The following GPC6 variants were observed in gnomAD, a reference collection of about 807,000 sequenced individuals.
GPC6 encodes the protein glypican-6.
A neutral mutation model predicts 55.2 loss-of-function variants in GPC6; 14 were observed. That is an observed-to-expected ratio of 0.25 (90% CI 0.17 to 0.40). GPC6 has a LOEUF of 0.40. Ranked by LOEUF, GPC6 falls within the 10% of genes least tolerant of loss-of-function variation. The probability of loss-of-function intolerance (pLI) is 1.00; values close to 1 mark genes in which losing one functional copy is unlikely to be tolerated. For synonymous variants in GPC6, 278 were observed against 259.6 expected (o/e 1.07, Z -0.68); for missense variants, 641 against 708.5 (o/e 0.90, Z 1.08).
chr13:93,696,396 A>G (rs1423862257), intron 2 of GPC6, among the ~76,000 whole-genome samples: 1 of 152,158 alleles, frequency 6.6e-6, no homozygotes, highest in African/African-American at 2.4e-5. Flanking sequence ...ATAAGCAATG[A>G]AATTTAGCAA....
At chr13:94,074,243 T>TA (rs1011054168) in intron 4 of GPC6, among the ~76,000 whole-genome samples, 27 of 151,252 alleles carry the variant, frequency 1.8e-4, no homozygotes, top group Admixed American at 1.3e-3. Flanking sequence ...AATAGCTCAG[T>TA]AAAAAAAAAT....
At chr13:93,931,010 G>C (rs1180254765) in intron 3 of GPC6, among the ~76,000 whole-genome samples, 1 of 152,020 alleles carries the variant, frequency 6.6e-6, no homozygotes. Context: ...TAAACAACCA[G>C]ATCTCGCAAG....
chr13:94,179,663 T>C (rs1888914250), intron 4 of GPC6, among the ~76,000 whole-genome samples: 1 of 152,208 alleles, frequency 6.6e-6, no homozygotes, highest in African/African-American at 2.4e-5. Context: ...GTTCACAAGC[T>C]TTTTGACAGG....
At chr13:94,033,762 C>A (rs973195424) in intron 4 of GPC6, among the ~76,000 whole-genome samples, 1 of 152,062 alleles carries the variant, frequency 6.6e-6, no homozygotes, top group Non-Finnish European at 1.5e-5. Context: ...CCTCTAGAAT[C>A]TAAACATAGA....
At chr13:93,979,044 AC>A (rs1183438971) in intron 3 of GPC6, among the ~76,000 whole-genome samples, 4 of 152,150 alleles carry the variant, frequency 2.6e-5, no homozygotes, top group Admixed American at 1.3e-4. Context: ...AGTGCCCAAA[AC>A]ATACTAGCAT....
rs139796399 is a variant in GPC6 at position 93,591,232 on chromosome 13, G to A, written c.319+45811G>A. Reference sequence around the variant, plus strand: ...TAATCCCAGCACTTCGGGAGGCCGAGGTGGGCGGATCATGAGGTCAGGATA... The same window carrying A: ...TAATCCCAGCACTTCGGGAGGCCGAAGTGGGCGGATCATGAGGTCAGGATA... On this transcript the variant is annotated intron_variant, in intron 2 of 8. Coordinates refer to ENST00000377047, the MANE Select transcript of GPC6 (RefSeq NM_005708.5). 2.8e-3 allele frequency among the ~76,000 whole-genome samples: 425 copies of A among 151,770 alleles called. 8 individuals are homozygous for A. The East Asian group carries it at 0.052, about 19-fold the overall frequency.
chr13:93,569,388 T>C (rs570346843), intron 2 of GPC6, among the ~76,000 whole-genome samples: 1 of 152,310 alleles, frequency 6.6e-6, no homozygotes. Context: ...CACTTGGGGA[T>C]AATGTTAATA....
intron 4 of GPC6, among the ~76,000 whole-genome samples, chr13:94,060,807 T>A (rs1344948718): frequency 6.6e-6 from 1 of 152,186 alleles, no homozygotes; most frequent in Non-Finnish European, 1.5e-5. Flanking sequence ...TGGGAGTGCA[T>A]TAATACCATA....
At chr13:93,465,947 A>G (rs1179853031) in intron 1 of GPC6, among the ~76,000 whole-genome samples, 1 of 152,220 alleles carries the variant, frequency 6.6e-6, no homozygotes, top group Non-Finnish European at 1.5e-5. Flanking sequence ...TTCAGGAAAC[A>G]GGAAGGTCTA....
intron 3 of GPC6, among the ~76,000 whole-genome samples, chr13:93,897,666 C>T (rs2140323938): frequency 6.6e-6 from 1 of 152,176 alleles, no homozygotes; most frequent in South Asian, 2.1e-4. Flanking sequence ...TAAATGGTGG[C>T]ACATTCAGCA....
At chr13:93,991,941 C>T (rs1594648434) in intron 3 of GPC6, among the ~76,000 whole-genome samples, 1 of 152,098 alleles carries the variant, frequency 6.6e-6, no homozygotes, top group East Asian at 1.9e-4. Context: ...CTAGAACTAG[C>T]TTTGTGTATT....
the GPC6 span, among the ~76,000 whole-genome samples, chr13:93,221,357 G>T: frequency 1.8e-4 from 28 of 152,066 alleles, no homozygotes; most frequent in Admixed American, 1.2e-3. Flanking sequence ...GATAAACCCT[G>T]TCATAACTTT....
At chr13:93,925,873 G>A (rs1439498750) in intron 3 of GPC6, among the ~76,000 whole-genome samples, 1 of 152,154 alleles carries the variant, frequency 6.6e-6, no homozygotes, top group African/African-American at 2.4e-5. Flanking sequence ...TGTCTTTGGG[G>A]ACTGAAATGG....
intron 4 of GPC6, among the ~76,000 whole-genome samples, chr13:94,167,393 G>A (rs1254947959): frequency 6.6e-6 from 1 of 152,102 alleles, no homozygotes; most frequent in Non-Finnish European, 1.5e-5. Flanking sequence ...ACTAAAGATG[G>A]ACGAGAAGAT....
chr13:94,254,333 C>T (rs776118416), intron 4 of GPC6, among the ~76,000 whole-genome samples: 6 of 152,016 alleles, frequency 3.9e-5, no homozygotes, highest in Non-Finnish European at 8.8e-5. Context: ...AGAAATGTTT[C>T]CCTAGTCATC....
At chr13:93,433,196 C>A (rs1877434486) in intron 1 of GPC6, among the ~76,000 whole-genome samples, 1 of 152,058 alleles carries the variant, frequency 6.6e-6, no homozygotes, top group South Asian at 2.1e-4. Flanking sequence ...TGCACCCTGA[C>A]AAACGGGATG....
intron 3 of GPC6, among the ~76,000 whole-genome samples, chr13:93,889,986 C>T (rs565193802): frequency 9.9e-5 from 15 of 151,860 alleles, no homozygotes; most frequent in African/African-American, 3.1e-4. Context: ...AAAAATTCTA[C>T]GCAGGAAAAA....
chr13:94,036,759 G>A (rs1260880068), intron 4 of GPC6, among the ~76,000 whole-genome samples: 3 of 150,400 alleles, frequency 2.0e-5, no homozygotes, highest in African/African-American at 7.3e-5. Flanking sequence ...TTTATCTTTC[G>A]GATTGTTTCA....
intron 1 of GPC6, among the ~76,000 whole-genome samples, chr13:93,408,422 T>A (rs1299598333): frequency 6.6e-6 from 1 of 152,076 alleles, no homozygotes. Context: ...TGCATAGACT[T>A]ATGCAGGAGC....
Sources: gnomAD v4.1 joint callset for allele counts (sites outside exome capture counted in the v4.1 genomes callset) on GRCh38, gnomAD v4.1.1 for gene constraint, MANE v1.5 for transcripts, NCBI Gene and HGNC (gene_info 2026-07-23, HGNC 2026-07-21) for gene names.